Variants in PLLP observed in about 807,000 individuals in gnomAD.
PLLP encodes plasma membrane proteolipid (plasmolipin).
Under a neutral mutation model 19.7 loss-of-function variants are expected in PLLP, and 15 were observed. The observed-to-expected ratio is 0.76, with a 90% CI of 0.51 to 1.17. The LOEUF (loss-of-function observed/expected upper bound fraction) is 1.17. Among genes scored for constraint, PLLP ranks in the 50% most tolerant of loss-of-function variants. The pLI is 0.00. For synonymous variants in PLLP, 111 were observed against 116.3 expected, an observed-to-expected ratio of 0.95 and a Z score of 0.29; for missense variants, 255 against 258.3, an observed-to-expected ratio of 0.99 and a Z score of 0.09.
intron 1 of PLLP, among the ~76,000 whole-genome samples, chr16:57,279,230 T>G (rs1021983838): frequency 6.6e-6 from 1 of 152,148 alleles, no homozygotes; most frequent in Admixed American, 6.6e-5. Flanking sequence ...CCCAGGATCA[T>G]GCAGCCAGAA....
intron 3 of PLLP, among the ~76,000 whole-genome samples, chr16:57,258,148 T>C (rs2075431545): frequency 6.6e-6 from 1 of 152,000 alleles, no homozygotes; most frequent in Non-Finnish European, 1.5e-5. Flanking sequence ...GGAGAATCAC[T>C]TAAACCCAAG....
chr16:57,273,345 G>A (rs1901104035), intron 1 of PLLP, among the ~76,000 whole-genome samples: 1 of 152,082 alleles, frequency 6.6e-6, no homozygotes, highest in African/African-American at 2.4e-5. Context: ...TCTGGTGTCT[G>A]ACCCCAGCCC....
At chr16:57,270,932 T>C (rs573520743) in intron 1 of PLLP, among the ~76,000 whole-genome samples, 74 of 152,196 alleles carry the variant, frequency 4.9e-4, no homozygotes, top group Non-Finnish European at 9.7e-4. Context: ...TTAAACAAAC[T>C]GTGCCAGGCG....
At chr16:57,282,955 T>C (rs1321780904) in intron 1 of PLLP, among the ~76,000 whole-genome samples, 1 of 152,148 alleles carries the variant, frequency 6.6e-6, no homozygotes, top group African/African-American at 2.4e-5. Context: ...GCCAGGCAGC[T>C]GCTCATGGCT....
chr16:57,261,580 G>A (rs1191909348), intron 2 of PLLP, among the ~76,000 whole-genome samples: 2 of 152,084 alleles, frequency 1.3e-5, no homozygotes, highest in South Asian at 4.2e-4. Flanking sequence ...AATTAGCAGG[G>A]CATGGTGGCA....
intron 1 of PLLP, among the ~76,000 whole-genome samples, chr16:57,268,129 A>T (rs543746982): frequency 6.0e-4 from 91 of 152,260 alleles, no homozygotes; most frequent in African/African-American, 2.2e-3. Flanking sequence ...CAGGAGGGGG[A>T]CATGGGACAG....
intron 1 of PLLP, among the ~76,000 whole-genome samples, chr16:57,273,376 C>T (rs1203038909): frequency 5.3e-5 from 8 of 152,162 alleles, no homozygotes; most frequent in African/African-American, 1.9e-4. Flanking sequence ...CTAGAACATC[C>T]CAGAACAGGC....
chr16:57,282,228 CTTTT>C (rs5817092), intron 1 of PLLP, among the ~76,000 whole-genome samples: 11 of 146,664 alleles, frequency 7.5e-5, no homozygotes, highest in South Asian at 4.3e-4. Context: ...TTTTTCTTTT[CTTTT>C]TTTTTTTTTG....
chr16:57,274,668 G>A (rs1455983782), intron 1 of PLLP, among the ~76,000 whole-genome samples: 1 of 151,972 alleles, frequency 6.6e-6, no homozygotes, highest in Admixed American at 6.6e-5. Flanking sequence ...GGCCAGGCTG[G>A]TCTCGAGCTC....
rs548387727 is a variant in PLLP, at chr16:57,282,734, T to G, written c.135+1672A>C. On this transcript the variant is annotated intron_variant, in intron 1 of 3. Transcript: ENST00000219207. ...CACCACCAACCTGTTGGCTACTCCC[T>G]GCAAATTAATTCAACTTTCTCATCA... Among the ~76,000 whole-genome samples the G allele has an allele frequency of 5.3e-5, 8 of 152,318 alleles. No individual in the cohort carries two copies. The East Asian group carries it at 1.5e-3, about 29-fold the overall frequency.
chr16:57,259,118 G>C (rs1305648863), intron 2 of PLLP, among the ~76,000 whole-genome samples: 2 of 152,080 alleles, frequency 1.3e-5, no homozygotes, highest in South Asian at 4.2e-4. Context: ...GCTGAGCAGG[G>C]AGCATGAACA....
chr16:57,271,761 T>A (rs1346064438), intron 1 of PLLP, among the ~76,000 whole-genome samples: 1 of 151,946 alleles, frequency 6.6e-6, no homozygotes, highest in Non-Finnish European at 1.5e-5. Flanking sequence ...AGGTCCTCCC[T>A]CCACAGGCCG....
chr16:57,284,620 T>C lies in PLLP; in HGVS notation c.-80A>G. ...CGGTGGGTGCCGGCTCCCGCGCCGCTTTTCCCCCAGGCTCCGGATCCCTGT... is the reference window on the plus strand; with the variant it reads ...CGGTGGGTGCCGGCTCCCGCGCCGCCTTTCCCCCAGGCTCCGGATCCCTGT... On this transcript the variant is annotated 5_prime_UTR_variant, in exon 1 of 4. Coordinates refer to ENST00000219207, the MANE Select transcript of PLLP (RefSeq NM_015993.3). 1.6e-6 allele frequency: 2 copies of C among 1,238,816 alleles called. No homozygotes were observed. Among genetic ancestry groups the C allele is most frequent in the Non-Finnish European group, 2.0e-6 (2 of 975,820 alleles). 76.7% of individuals were successfully genotyped at this position (1,238,816 alleles called of 1,614,324 possible).
At position 57,284,488 on chromosome 16, in the gene PLLP, C is replaced by A. The variant is rs1442478589; in HGVS notation, c.53G>T (p.Gly18Val). The A allele has an allele frequency of 3.5e-6, 5 of 1,441,878 alleles. No homozygotes were observed. Among genetic ancestry groups the A allele is most frequent in the Non-Finnish European group, 4.6e-6 (5 of 1,092,236 alleles). 89.3% of individuals were successfully genotyped at this position (1,441,878 alleles called of 1,614,324 possible). A position where few individuals can be genotyped will look rare whatever the true frequency, so the allele number is the denominator to read the frequency against. The change falls in exon 1 of 4, where the codon GGC becomes GTC. Residue 18 changes from glycine (G) to valine (V), a missense_variant. By Grantham distance (109) the Gly-to-Val change is moderately radical. Coordinates refer to ENST00000219207, the MANE Select transcript of PLLP (RefSeq NM_015993.3). The part of the protein sequence containing the change: ...VSTRTSSPAQ[G>V]AEASVSALRP... ...CAGCGCCGACACCGAGGCTTCGGCGCCCTGCGCAGGACTGCTGGTCCGCGT... is the reference window on the plus strand; with the variant it reads ...CAGCGCCGACACCGAGGCTTCGGCGACCTGCGCAGGACTGCTGGTCCGCGT...
At position 57,256,896 on chromosome 16, in the gene PLLP, G is replaced by A. The variant is rs763180281; in HGVS notation, c.*17C>T. 5.8e-6 allele frequency: 9 copies of A among 1,558,312 alleles called. No individual in the cohort carries two copies. The highest frequency in any genetic ancestry group is 3.3e-5 in the Admixed American group (2 of 59,930). On this transcript the variant is annotated 3_prime_UTR_variant, in exon 4 of 4. Coordinates refer to ENST00000219207, the MANE Select transcript of PLLP (RefSeq NM_015993.3). ...AGCGGCGGCTTCAGCCCCAGAGGGGGCCGTGGCACAGGTGGTTTAGGCATA... is the reference window on the plus strand; with the variant it reads ...AGCGGCGGCTTCAGCCCCAGAGGGGACCGTGGCACAGGTGGTTTAGGCATA...
At chr16:57,269,394 T>G (rs186285615) in intron 1 of PLLP, among the ~76,000 whole-genome samples, 24 of 152,304 alleles carry the variant, frequency 1.6e-4, no homozygotes, top group Non-Finnish European at 2.8e-4. Context: ...TTTCCTCATC[T>G]GGCAAGTGAG....
chr16:57,274,089 G>A (rs1298484827), intron 1 of PLLP, among the ~76,000 whole-genome samples: 1 of 152,000 alleles, frequency 6.6e-6, no homozygotes, highest in Non-Finnish European at 1.5e-5. Flanking sequence ...CTAGGCTCAA[G>A]CAATCCTCCC....
At chr16:57,275,374 T>G (rs914105627) in intron 1 of PLLP, among the ~76,000 whole-genome samples, 14 of 152,154 alleles carry the variant, frequency 9.2e-5, no homozygotes, top group Admixed American at 2.0e-4. Context: ...TGAACTTGTA[T>G]ATATCACATA....
chr16:57,262,059 C>T lies in PLLP; in HGVS notation c.147G>A (p.Leu49=). 2 of 1,614,212 alleles carry T rather than the reference C, an allele frequency of 1.2e-6. No homozygotes were observed. The change falls in exon 2 of 4, where the codon CTG becomes CTA. Residue 49 remains leucine, a synonymous_variant. Transcript: ENST00000219207. ...TGTCCGCAATCAGCGCCCACACCAG[C>T]AGCCCCAGCACCTAGGAGGGTCAGA... is the stretch of plus-strand genomic sequence containing the variant. ...ALMLLQLVLG[L]LVWALIADTP...
Sources: gnomAD v4.1 joint callset for allele counts (sites outside exome capture counted in the v4.1 genomes callset) on GRCh38, gnomAD v4.1.1 for gene constraint, MANE v1.5 for transcripts, NCBI Gene and HGNC (gene_info 2026-07-23, HGNC 2026-07-21) for gene names.